The following EDN3 variants were observed in gnomAD, a reference collection of about 807,000 sequenced individuals.
EDN3 encodes the protein endothelin-3.
A neutral mutation model predicts 21.4 loss-of-function variants in EDN3; 9 were observed. That is an observed-to-expected ratio of 0.42 (90% CI 0.25 to 0.73). The LOEUF is 0.73. Among genes scored for constraint, EDN3 ranks in the 30% least tolerant of loss-of-function variants. The pLI is 0.26. For synonymous variants in EDN3, 133 were observed against 126.2 expected (o/e 1.05, Z -0.36); for missense variants, 327 against 309.4 (o/e 1.06, Z -0.43).
intron 2 of EDN3, among the ~76,000 whole-genome samples, chr20:59,304,187 A>G (rs1289529876): frequency 6.6e-6 from 1 of 151,762 alleles, no homozygotes; most frequent in African/African-American, 2.4e-5. Flanking sequence ...TCTTTAAAAT[A>G]TCTCAGGCAA....
rs965809292 is a variant in EDN3 at position 59,322,680 on chromosome 20, G to A, written c.588+263G>A. Among the ~76,000 whole-genome samples the A allele has an allele frequency of 6.6e-6, 1 of 152,192 alleles. No individual in the cohort carries two copies. The highest frequency in any genetic ancestry group is 2.4e-5 in the African/African-American group (1 of 41,454). On this transcript the variant is annotated intron_variant, in intron 4 of 4. Coordinates refer to ENST00000337938, the MANE Select transcript of EDN3 (RefSeq NM_207034.3). The surrounding 1 kb of genome is among the most constrained non-coding windows in gnomAD (Gnocchi z 4.1). Reference sequence around the variant, plus strand: ...CTCTGTGTCCTGGGAGCCAGCCCTTGCATCCCTTGTAGCTCTGGGCAGTGA... The same window carrying A: ...CTCTGTGTCCTGGGAGCCAGCCCTTACATCCCTTGTAGCTCTGGGCAGTGA...
chr20:59,317,123 C>A (rs1305173012), intron 2 of EDN3, among the ~76,000 whole-genome samples: 1 of 152,212 alleles, frequency 6.6e-6, no homozygotes, highest in African/African-American at 2.4e-5. Context: ...TTAGGTCTTT[C>A]CTGTTCACTA....
At chr20:59,303,926 C>T (rs1353751642) in intron 2 of EDN3, among the ~76,000 whole-genome samples, 2 of 150,584 alleles carry the variant, frequency 1.3e-5, no homozygotes, top group African/African-American at 4.9e-5. Context: ...ACTTGGGAAA[C>T]AAAAACGACA....
At chr20:59,302,439 C>T (rs925815016) in intron 2 of EDN3, among the ~76,000 whole-genome samples, 2 of 152,132 alleles carry the variant, frequency 1.3e-5, no homozygotes, top group Non-Finnish European at 1.5e-5. Context: ...TCTTGGGGTT[C>T]GTCCAGTGGG....
chr20:59,315,919 G>T (rs1990145885), intron 2 of EDN3, among the ~76,000 whole-genome samples: 3 of 152,180 alleles, frequency 2.0e-5, no homozygotes, highest in South Asian at 2.1e-4. Flanking sequence ...AAACACTATG[G>T]TTCACGCCTG....
intron 2 of EDN3, among the ~76,000 whole-genome samples, chr20:59,306,663 A>G (rs937116266): frequency 1.3e-5 from 2 of 149,562 alleles, no homozygotes; most frequent in South Asian, 4.2e-4. Flanking sequence ...GTATTCTACC[A>G]CAAAAGGGCA....
At chr20:59,309,281 A>G (rs932809294) in intron 2 of EDN3, among the ~76,000 whole-genome samples, 7 of 152,166 alleles carry the variant, frequency 4.6e-5, no homozygotes, top group Admixed American at 1.3e-4. Context: ...TTAAACACCT[A>G]TGCTGAGAGC....
At chr20:59,320,752 G>C (rs1990482206) in intron 2 of EDN3, among the ~76,000 whole-genome samples, 1 of 152,230 alleles carries the variant, frequency 6.6e-6, no homozygotes, top group African/African-American at 2.4e-5. Context: ...TGGGCTCCAA[G>C]AGTGCTGGCT....
rs1990772039 is a variant in EDN3, at chr20:59,325,241, G to A, written c.*782G>A. 6.6e-6 allele frequency: 1 copy of A among 152,508 alleles called. No homozygotes were observed. The highest frequency in any genetic ancestry group is 2.4e-5 in the African/African-American group (1 of 41,462). The allele number at this position is 152,508 out of a possible 1,614,324, so 9.4% of individuals were successfully genotyped here. A position where few individuals can be genotyped will look rare whatever the true frequency, so the allele number is the denominator to read the frequency against. On this transcript the variant is annotated 3_prime_UTR_variant, in exon 5 of 5. Coordinates refer to ENST00000337938, the MANE Select transcript of EDN3 (RefSeq NM_207034.3). Reference sequence around the variant, plus strand: ...GACTGTAAAGACAGCCCCAGCTCAAGGCTATTAGGTTGAATATTTGCTTTC... The same window carrying A: ...GACTGTAAAGACAGCCCCAGCTCAAAGCTATTAGGTTGAATATTTGCTTTC...
At chr20:59,323,406 A>C (rs184589286) in intron 4 of EDN3, among the ~76,000 whole-genome samples, 1 of 152,276 alleles carries the variant, frequency 6.6e-6, no homozygotes, top group East Asian at 1.9e-4. Context: ...TGCATCATTT[A>C]TTCATTCGCT....
chr20:59,310,569 G>A (rs1989734515), intron 2 of EDN3, among the ~76,000 whole-genome samples: 1 of 152,084 alleles, frequency 6.6e-6, no homozygotes, highest in African/African-American at 2.4e-5. Flanking sequence ...AGAGCTTTGG[G>A]AGACCTTGGG....
rs57971399 is a variant in EDN3 at position 59,311,656 on chromosome 20, GTT to G, written c.366-9348_366-9347del. On this transcript the variant is annotated intron_variant, in intron 2 of 4. Coordinates refer to ENST00000337938, the MANE Select transcript of EDN3 (RefSeq NM_207034.3). ...CTTGGTTTTGGTGGATTTTGGCCAT[GTT>G]TTTTTTTTTTTTCCACGTCCTGTTT... Among the ~76,000 whole-genome samples, 573 of 142,950 alleles carry G rather than the reference GTT, an allele frequency of 4.0e-3. 3 individuals are homozygous for G. The highest frequency in any genetic ancestry group is 0.014 in the African/African-American group (537 of 39,396). The allele number at this position is 142,950 out of a possible 152,430, so 93.8% of individuals were successfully genotyped here. A position where few individuals can be genotyped will look rare whatever the true frequency, so the allele number is the denominator to read the frequency against.
In EDN3 at chr20:59,305,975, C is replaced by T. The variant is rs554317581; in HGVS notation, c.365+4253C>T. The stretch of plus-strand genomic sequence containing the variant: ...GTGACCCATAACGGGGATGTCAGCT[C>T]GAACCACATTTCATGGCGGACCAGC... On this transcript the variant is annotated intron_variant, in intron 2 of 4. Transcript: ENST00000337938. This position sits in a 1 kb window ranked among gnomAD's most constrained non-coding sequence, Gnocchi z 4.2. 2.0e-5 allele frequency among the ~76,000 whole-genome samples: 3 copies of T among 152,318 alleles called. No homozygotes were observed. Among genetic ancestry groups the T allele is most frequent in the Admixed American group, 6.5e-5 (1 of 15,306 alleles).
rs1180526756 is a variant in EDN3 at position 59,322,163 on chromosome 20, A to C, written c.543-209A>C. ...CCCCTTCTGGGCTTTTAAACATCCGATGAATAAGTGAGTGGTGAGTATATT... is the reference window on the plus strand; with the variant it reads ...CCCCTTCTGGGCTTTTAAACATCCGCTGAATAAGTGAGTGGTGAGTATATT... On this transcript the variant is annotated intron_variant, in intron 3 of 4. Coordinates refer to ENST00000337938, the MANE Select transcript of EDN3 (RefSeq NM_207034.3). This position sits in a 1 kb window ranked among gnomAD's most constrained non-coding sequence, Gnocchi z 4.1. Among the ~76,000 whole-genome samples, 1 of 152,136 alleles carries C rather than the reference A, an allele frequency of 6.6e-6. No individual in the cohort carries two copies. Among genetic ancestry groups the C allele is most frequent in the East Asian group, 1.9e-4 (1 of 5,186 alleles).
Position 59,322,269 on chromosome 20 carries a change from T to G in EDN3, c.543-103T>G. ...GAGACGCAGTCCTTGGGGAACGCAC[T>G]AATGTGCTCATTGGTGGGGAAGAGG... On this transcript the variant is annotated intron_variant, in intron 3 of 4. Coordinates refer to ENST00000337938, the MANE Select transcript of EDN3 (RefSeq NM_207034.3). This position sits in a 1 kb window ranked among gnomAD's most constrained non-coding sequence, Gnocchi z 4.1. 8 of 1,291,634 alleles carry G rather than the reference T, an allele frequency of 6.2e-6. No individual in the cohort carries two copies. The highest frequency in any genetic ancestry group is 9.0e-6 in the Non-Finnish European group (8 of 890,276). The allele number at this position is 1,291,634 out of a possible 1,614,324, so 80.0% of individuals were successfully genotyped here. A position where few individuals can be genotyped will look rare whatever the true frequency, so the allele number is the denominator to read the frequency against.
Position 59,301,718 on chromosome 20 carries a change from C to G in EDN3, c.361C>G (p.Pro121Ala), listed in dbSNP as rs767643055. 4 of 1,614,136 alleles carry G rather than the reference C, an allele frequency of 2.5e-6. No individual in the cohort carries two copies. The East Asian group carries it at 6.7e-5, about 27-fold the overall frequency. The change falls in exon 2 of 5, where the codon CCC becomes GCC. Residue 121 changes from proline (P) to alanine (A), a missense_variant. Physicochemically the swap from Pro to Ala is conservative, Grantham distance 27 (BLOSUM62 -1). Coordinates refer to ENST00000337938, the MANE Select transcript of EDN3 (RefSeq NM_207034.3). ...CHLDIIWINT[P>A]EQTVPYGLSN... ...CCTGGACATCATTTGGATCAACACT[C>G]CCGAGTAAGTCAGCCTTTTGTGGTG... is the stretch of plus-strand genomic sequence containing the variant.
chr20:59,314,285 G>A (rs1304965005), intron 2 of EDN3, among the ~76,000 whole-genome samples: 1 of 152,170 alleles, frequency 6.6e-6, no homozygotes, highest in East Asian at 1.9e-4. Context: ...TCAACAGCTG[G>A]GGAGACTACA....
Position 59,301,417 on chromosome 20 carries a change from G to A in EDN3, c.60G>A (p.Val20=). The change falls in exon 2 of 5, where the codon GTG becomes GTA. Residue 20 remains valine, a synonymous_variant. Transcript: ENST00000337938. ...TCAATCTGCCTTCTGCAGGATTCGT[G>A]CCTTGCTCCCAGTCTGGGGATGCTG... ...GLTVTSAAGF[V]PCSQSGDAGR... 1 of 1,610,692 alleles carries A rather than the reference G, an allele frequency of 6.2e-7. No homozygotes were observed. Among genetic ancestry groups the A allele is most frequent in the African/African-American group, 1.3e-5 (1 of 75,044 alleles).
At chr20:59,301,165 G>A (rs1350203120) in intron 1 of EDN3, among the ~76,000 whole-genome samples, 5 of 152,370 alleles carry the variant, frequency 3.3e-5, no homozygotes, top group African/African-American at 1.2e-4. Flanking sequence ...CAGAGGCTGT[G>A]CCAAACCCTG....
Sources: gnomAD v4.1 joint callset for allele counts (sites outside exome capture counted in the v4.1 genomes callset) on GRCh38, gnomAD v4.1.1 for gene constraint, Gnocchi (gnomAD v3.1) non-coding constraint, MANE v1.5 for transcripts, NCBI Gene and HGNC (gene_info 2026-07-23, HGNC 2026-07-21) for gene names.